Variants in WWOX observed in about 807,000 individuals in gnomAD.
WWOX encodes WW domain-containing oxidoreductase.
In WWOX, 69 loss-of-function variants were observed where a neutral mutation model predicts 46.2. The ratio of observed to expected loss-of-function variants is 1.49; its 90% CI spans 1.23 to 1.82. WWOX has a LOEUF of 1.82. Ranked by LOEUF, WWOX falls within the 40% of genes most tolerant of loss-of-function variation. The pLI, the probability that WWOX is intolerant of heterozygous loss-of-function variation, is 0.00. For synonymous variants in WWOX, 359 were observed against 202.6 expected (o/e 1.77, Z -6.56); for missense variants, 919 against 542.6 (o/e 1.69, Z -6.89).
At chr16:78,537,689 G>T (rs905348498) in intron 8 of WWOX, among the ~76,000 whole-genome samples, 3 of 152,148 alleles carry the variant, frequency 2.0e-5, no homozygotes, top group African/African-American at 4.8e-5. Flanking sequence ...GTTAGAGCCA[G>T]GGTCCCAGCT....
At chr16:78,337,960 CCTCACAA>C (rs1229016140) in intron 5 of WWOX, among the ~76,000 whole-genome samples, 166 of 117,968 alleles carry the variant, frequency 1.4e-3, no homozygotes, top group Non-Finnish European at 2.0e-3. Flanking sequence ...CAGTAAGAGA[CCTCACAA>C]GATGCTTTAT....
At position 78,523,620 on chromosome 16, in the gene WWOX, C is replaced by T. The variant is rs545001303; in HGVS notation, c.1056+90868C>T. Among the ~76,000 whole-genome samples the T allele has an allele frequency of 4.6e-5, 7 of 152,306 alleles. No homozygotes were observed. The South Asian group carries it at 6.2e-4, about 14-fold the overall frequency. On this transcript the variant is annotated intron_variant, in intron 8 of 8. Transcript: ENST00000566780. ...ATTCTTCCATATTTATTTTTCTCCACCTTGGGTGAAAAAACTTCGCTTTTC... is the reference window on the plus strand; with the variant it reads ...ATTCTTCCATATTTATTTTTCTCCATCTTGGGTGAAAAAACTTCGCTTTTC...
intron 8 of WWOX, among the ~76,000 whole-genome samples, chr16:78,573,935 G>A (rs71396197): frequency 0.058 from 8,847 of 152,294 alleles, 401 homozygotes; most frequent in Non-Finnish European, 0.085. Flanking sequence ...TGGGTCCTCT[G>A]CCTAGGGTTT....
chr16:78,981,070 C>T (rs2046671997), intron 8 of WWOX, among the ~76,000 whole-genome samples: 1 of 152,172 alleles, frequency 6.6e-6, no homozygotes, highest in African/African-American at 2.4e-5. Context: ...TTTGCAGACC[C>T]CTGGGAGCCT....
chr16:79,194,468 G>T (rs892228627), intron 8 of WWOX, among the ~76,000 whole-genome samples: 1 of 152,172 alleles, frequency 6.6e-6, no homozygotes, highest in Non-Finnish European at 1.5e-5. Context: ...TTCTGGTTAT[G>T]AACTCACAGA....
intron 8 of WWOX, among the ~76,000 whole-genome samples, chr16:78,588,218 CTG>C (rs1169427046): frequency 6.6e-6 from 1 of 152,186 alleles, no homozygotes; most frequent in Non-Finnish European, 1.5e-5. Context: ...TTGAAATACT[CTG>C]TAGATGACAA....
At chr16:78,495,343 G>A (rs201296073) in intron 8 of WWOX, among the ~76,000 whole-genome samples, 9 of 151,826 alleles carry the variant, frequency 5.9e-5, no homozygotes, top group African/African-American at 2.2e-4. Flanking sequence ...GTTTCACCAT[G>A]TTAGCCAGGC....
intron 8 of WWOX, among the ~76,000 whole-genome samples, chr16:78,808,070 C>T (rs561751159): frequency 7.4e-4 from 113 of 152,286 alleles, no homozygotes; most frequent in Admixed American, 1.9e-3. Context: ...CAAAGGCATC[C>T]CCTTCCCCAT....
chr16:78,853,036 C>G (rs935048854), intron 8 of WWOX, among the ~76,000 whole-genome samples: 1 of 152,084 alleles, frequency 6.6e-6, no homozygotes, highest in Non-Finnish European at 1.5e-5. Flanking sequence ...AATGTCTTAT[C>G]TCAGTTTTCT....
chr16:78,888,955 C>G (rs191094344), intron 8 of WWOX, among the ~76,000 whole-genome samples: 2 of 151,998 alleles, frequency 1.3e-5, no homozygotes, highest in East Asian at 3.9e-4. Context: ...TAATCTCCCC[C>G]TGATGCCCTT....
chr16:78,537,672 G>A lies in WWOX; in HGVS notation c.1056+104920G>A, dbSNP rs541719088. Among the ~76,000 whole-genome samples the A allele has an allele frequency of 5.0e-3, 762 of 152,254 alleles. 8 individuals carry two copies. Among genetic ancestry groups the A allele is most frequent in the African/African-American group, 0.017 (719 of 41,542 alleles). ...TTGTTGTTGTGACAACTGTCTCGGGGGCTGGAGTTAGAGCCAGGGTCCCAG... is the reference window on the plus strand; with the variant it reads ...TTGTTGTTGTGACAACTGTCTCGGGAGCTGGAGTTAGAGCCAGGGTCCCAG... On this transcript the variant is annotated intron_variant, in intron 8 of 8. Coordinates refer to ENST00000566780, the MANE Select transcript of WWOX (RefSeq NM_016373.4).
At chr16:78,912,943 G>C (rs1053825477) in intron 8 of WWOX, among the ~76,000 whole-genome samples, 1 of 151,924 alleles carries the variant, frequency 6.6e-6, no homozygotes, top group Non-Finnish European at 1.5e-5. Flanking sequence ...TCGAAGGGTC[G>C]AACGGTCCAT....
At chr16:78,864,971 C>T (rs944669848) in intron 8 of WWOX, among the ~76,000 whole-genome samples, 1 of 151,700 alleles carries the variant, frequency 6.6e-6, no homozygotes, top group Non-Finnish European at 1.5e-5. Flanking sequence ...CCATGTTGGC[C>T]AGGCTGGTCT....
At chr16:78,617,895 C>T (rs1054951146) in intron 8 of WWOX, among the ~76,000 whole-genome samples, 2 of 152,192 alleles carry the variant, frequency 1.3e-5, no homozygotes, top group Admixed American at 1.3e-4. Context: ...TGCCTAGCAT[C>T]TTTTCATGTG....
intron 8 of WWOX, among the ~76,000 whole-genome samples, chr16:79,023,268 T>A (rs565319001): frequency 6.6e-6 from 1 of 152,324 alleles, no homozygotes; most frequent in South Asian, 2.1e-4. Context: ...GTTCTCCCTT[T>A]GCATTTATGC....
At position 78,691,361 on chromosome 16, in the gene WWOX, G is replaced by T. The variant is rs16948335; in HGVS notation, c.1056+258609G>T. The T allele has an allele frequency of 2.2e-3, 1,521 of 689,440 alleles. 17 individuals carry two copies. In the African/African-American group the frequency reaches 0.023, roughly 10 times the overall value. The allele number at this position is 689,440 out of a possible 1,614,324, so 42.7% of individuals were successfully genotyped here. ...AACATAGCTTTATCTTATGACAAAG[G>T]TGACAGAAAGGAAATCTCCTAAGTT... On this transcript the variant is annotated intron_variant, in intron 8 of 8. Transcript: ENST00000566780.
chr16:78,915,623 T>A (rs1295348178), intron 8 of WWOX, among the ~76,000 whole-genome samples: 1 of 152,152 alleles, frequency 6.6e-6, no homozygotes, highest in African/African-American at 2.4e-5. Flanking sequence ...ACAGACAGTG[T>A]TATCAGTCAT....
intron 8 of WWOX, among the ~76,000 whole-genome samples, chr16:78,867,328 A>G (rs150016372): frequency 6.6e-6 from 1 of 152,188 alleles, no homozygotes; most frequent in Non-Finnish European, 1.5e-5. Flanking sequence ...TTTTATGTAC[A>G]TATTTATCAA....
At chr16:78,883,749 A>AT (rs140803199) in intron 8 of WWOX, among the ~76,000 whole-genome samples, 4,310 of 152,032 alleles carry the variant, frequency 0.028, 112 homozygotes, top group African/African-American at 0.06. Flanking sequence ...AAAAAAAGTA[A>AT]TGCAATAAGC....
Sources: gnomAD v4.1 joint callset for allele counts (sites outside exome capture counted in the v4.1 genomes callset) on GRCh38, gnomAD v4.1.1 for gene constraint, MANE v1.5 for transcripts, NCBI Gene and HGNC (gene_info 2026-07-23, HGNC 2026-07-21) for gene names.